The following TFAP2D variants were observed in gnomAD, a reference collection of about 807,000 sequenced individuals.
TFAP2D encodes the protein transcription factor AP-2-delta.
A neutral mutation model predicts 43.6 loss-of-function variants in TFAP2D; 9 were observed. That is an observed-to-expected ratio of 0.21 (90% CI 0.12 to 0.36). The LOEUF is 0.36. TFAP2D is among the 10% of genes least tolerant of loss of function. TFAP2D has a pLI of 1.00. For missense variants in TFAP2D, 513 were observed against 561.4 expected, an observed-to-expected ratio of 0.91 and a Z score of 0.87; for synonymous variants, 256 against 224.9, an observed-to-expected ratio of 1.14 and a Z score of -1.24.
At chr6:50,715,676 A>T (rs1212767426) in intron 2 of TFAP2D, 63 bp downstream of exon 2, 1 of 1,513,042 alleles carries the variant, frequency 6.6e-7, no homozygotes. Context: ...CTGCCGCCCC[A>T]TTAATGCTCC....
chr6:50,757,403 ATAAT>A (rs1360189327), intron 7 of TFAP2D, among the ~76,000 whole-genome samples: 1 of 131,682 alleles, frequency 7.6e-6, no homozygotes, highest in Non-Finnish European at 1.6e-5. Context: ...TATAGAATAT[ATAAT>A]TATTCTCTCT....
rs1768901866 is a variant in TFAP2D at position 50,731,997 on chromosome 6, C to G, written c.883+2685C>G. The stretch of plus-strand genomic sequence containing the variant: ...GGGTCTAATGTTTGTTCCATTTCTA[C>G]AGTTTTACTCCTGTATGAATTTCAC... On this transcript the variant is annotated intron_variant, in intron 5 of 7. Coordinates refer to ENST00000008391, the MANE Select transcript of TFAP2D (RefSeq NM_172238.4). Among the ~76,000 whole-genome samples, 3 of 152,178 alleles carry G rather than the reference C, an allele frequency of 2.0e-5. No individual in the cohort carries two copies. In the East Asian group the frequency reaches 5.8e-4, roughly 29 times the overall value.
intron 5 of TFAP2D, among the ~76,000 whole-genome samples, chr6:50,743,562 T>A (rs1769083894): frequency 6.6e-6 from 1 of 152,082 alleles, no homozygotes. Flanking sequence ...TTTAAATTTT[T>A]GTAGAGATGA....
intron 7 of TFAP2D, among the ~76,000 whole-genome samples, chr6:50,762,212 T>C (rs1442696890): frequency 6.6e-6 from 1 of 152,124 alleles, no homozygotes; most frequent in Non-Finnish European, 1.5e-5. Flanking sequence ...TGACACCCAC[T>C]GTTAAGAGAA....
intron 3 of TFAP2D, among the ~76,000 whole-genome samples, chr6:50,724,193 C>A (rs886140661): frequency 6.6e-6 from 1 of 151,950 alleles, no homozygotes; most frequent in Non-Finnish European, 1.5e-5. Flanking sequence ...TTCTCCCCAC[C>A]CAACTCACAG....
chr6:50,727,877 A>G (rs1224583893), intron 3 of TFAP2D, among the ~76,000 whole-genome samples: 1 of 152,104 alleles, frequency 6.6e-6, no homozygotes, highest in South Asian at 2.1e-4. Flanking sequence ...AAAGTCTTGC[A>G]GTGGGGGAGG....
At chr6:50,735,999 A>G (rs2114043130) in intron 5 of TFAP2D, among the ~76,000 whole-genome samples, 1 of 152,200 alleles carries the variant, frequency 6.6e-6, no homozygotes, top group South Asian at 2.1e-4. Context: ...TAATATTCTC[A>G]TTGCTCTTAC....
chr6:50,748,652 G>A (rs1769158023), intron 6 of TFAP2D, among the ~76,000 whole-genome samples: 2 of 151,840 alleles, frequency 1.3e-5, no homozygotes, highest in Non-Finnish European at 2.9e-5. Flanking sequence ...AATAGAAACT[G>A]AAACATTTTT....
intron 7 of TFAP2D, among the ~76,000 whole-genome samples, chr6:50,771,613 C>G (rs758530427): frequency 3.3e-5 from 5 of 152,194 alleles, no homozygotes; most frequent in Admixed American, 1.3e-4. Flanking sequence ...CCAGCTACTT[C>G]TTAATGAGGT....
intron 7 of TFAP2D, among the ~76,000 whole-genome samples, chr6:50,760,371 G>A (rs1769347174): frequency 6.6e-6 from 1 of 151,852 alleles, no homozygotes. Context: ...CTGATGCTTT[G>A]GATTCATCCC....
intron 1 of TFAP2D, 42 bp from the exon 2 acceptor site, chr6:50,715,074 C>T (rs780191058): frequency 5.0e-6 from 8 of 1,589,676 alleles, no homozygotes; most frequent in Admixed American, 1.7e-5. Flanking sequence ...AATGACAAAC[C>T]TCAAGTTTTT....
At chr6:50,730,096 C>T (rs925026362) in intron 5 of TFAP2D, among the ~76,000 whole-genome samples, 2 of 151,992 alleles carry the variant, frequency 1.3e-5, no homozygotes, top group African/African-American at 4.8e-5. Flanking sequence ...AAGGCAGGGG[C>T]CTTTTGCCAA....
At chr6:50,762,315 A>T (rs1490575979) in intron 7 of TFAP2D, among the ~76,000 whole-genome samples, 5 of 151,810 alleles carry the variant, frequency 3.3e-5, no homozygotes, top group Non-Finnish European at 7.4e-5. Context: ...CAAGAAGAAG[A>T]TGCCATTTTA....
In TFAP2D at chr6:50,728,153, A is replaced by G. The variant is rs983872822; in HGVS notation, c.599-703A>G. ...ATAATGACAATGACATTTACAATTT[A>G]CATTTACAATGACAATTATAAAAAC... On this transcript the variant is annotated intron_variant, in intron 3 of 7. Transcript: ENST00000008391. 5.9e-5 allele frequency among the ~76,000 whole-genome samples: 9 copies of G among 152,348 alleles called. No individual in the cohort carries two copies. In the East Asian group the frequency reaches 1.7e-3, roughly 29 times the overall value.
intron 5 of TFAP2D, among the ~76,000 whole-genome samples, chr6:50,734,592 C>T (rs946311942): frequency 1.3e-5 from 2 of 152,066 alleles, no homozygotes; most frequent in African/African-American, 4.8e-5. Flanking sequence ...TCATTTAGCT[C>T]ACAGATAAGG....
At chr6:50,749,531 T>A (rs796561583) in intron 6 of TFAP2D, among the ~76,000 whole-genome samples, 4 of 151,914 alleles carry the variant, frequency 2.6e-5, no homozygotes, top group South Asian at 4.1e-4. Flanking sequence ...TACAGTAATT[T>A]GGAAATGATA....
intron 5 of TFAP2D, among the ~76,000 whole-genome samples, chr6:50,744,836 TCAA>T (rs1394988700): frequency 2.0e-5 from 3 of 152,152 alleles, no homozygotes; most frequent in African/African-American, 7.2e-5. Flanking sequence ...ATGAGGGGAA[TCAA>T]CACTTCTGGA....
rs746969468 is a variant in TFAP2D at position 50,715,280 on chromosome 6, G to T, written c.204G>T (p.Pro68=). Reference sequence around the variant, plus strand: ...TCTCCACTAACCACCAGTACACCCCGCTCCACCACCAGTCCTTCCATTACG... The same window carrying T: ...TCTCCACTAACCACCAGTACACCCCTCTCCACCACCAGTCCTTCCATTACG... The part of the protein sequence containing the change: ...PYFSTNHQYT[P]LHHQSFHYEF... The change falls in exon 2 of 8, where the codon CCG becomes CCT. Residue 68 remains proline, a synonymous_variant. Transcript: ENST00000008391. The T allele has an allele frequency of 1.9e-6, 3 of 1,613,270 alleles. No individual in the cohort carries two copies. The highest frequency in any genetic ancestry group is 3.3e-5 in the Admixed American group (2 of 59,920).
chr6:50,729,149 A>C, intron 4 of TFAP2D, 45 bp from the exon 5 acceptor site: 2 of 1,608,028 alleles, frequency 1.2e-6, no homozygotes, highest in Non-Finnish European at 1.7e-6. Context: ...AATTTTCATC[A>C]GAATGTGAAA....
Sources: allele counts gnomAD v4.1 joint callset (sites outside exome capture counted in the v4.1 genomes callset), GRCh38; gene constraint gnomAD v4.1.1; transcripts MANE v1.5; gene names NCBI Gene and HGNC (gene_info 2026-07-23, HGNC 2026-07-21).